The following PDZD4 variants were observed in gnomAD, a reference collection of about 807,000 sequenced individuals.
The protein encoded by PDZD4 is PDZ domain-containing protein 4.
In PDZD4, 9 loss-of-function variants were observed where a neutral mutation model predicts 38.5. The ratio of observed to expected loss-of-function variants is 0.23; its 90% CI spans 0.14 to 0.41. The LOEUF is 0.41. Ranked by LOEUF, PDZD4 falls within the 10% of genes least tolerant of loss-of-function variation. PDZD4 has a pLI of 1.00. For missense variants in PDZD4, 612 were observed against 722.0 expected, an observed-to-expected ratio of 0.85 and a Z score of 1.75; for synonymous variants, 349 against 315.7, an observed-to-expected ratio of 1.11 and a Z score of -1.12.
chrX:153,812,884 G>A (rs1239029530), intron 1 of PDZD4, among the ~76,000 whole-genome samples: 3 of 106,004 alleles, frequency 2.8e-5, no homozygotes, highest in African/African-American at 7.0e-5. Context: ...CCCAACCCTC[G>A]GATTGCCTAC....
rs932248250 is a variant in PDZD4 at position 153,818,604 on chromosome X, C to T, written c.61-10009G>A. ...GGTTGGGGAGAGAGACTAGAAAGTC[C>T]CGGGAGGGAAGCCGAGGAGCTGCTC... On this transcript the variant is annotated intron_variant, in intron 1 of 7. Transcript: ENST00000393758. Among the ~76,000 whole-genome samples, 137 of 109,557 alleles carry T rather than the reference C, an allele frequency of 1.3e-3. 1 individual carries two copies. The highest frequency in any genetic ancestry group is 1.3e-3 in the Non-Finnish European group (68 of 52,445).
intron 1 of PDZD4, among the ~76,000 whole-genome samples, chrX:153,819,490 C>A (rs1296470895): frequency 8.9e-6 from 1 of 112,330 alleles, no homozygotes; most frequent in Non-Finnish European, 1.9e-5. Flanking sequence ...CTTCCAGGGG[C>A]CCCCGTGGCT....
chrX:153,811,179 C>T (rs980894450), intron 1 of PDZD4, among the ~76,000 whole-genome samples: 5 of 109,911 alleles, frequency 4.5e-5, no homozygotes, highest in African/African-American at 1.7e-4. Context: ...CTCTGTCATC[C>T]AGGCTGAAGT....
chrX:153,803,602 C>T lies in PDZD4; in HGVS notation c.2079G>A (p.Arg693=), dbSNP rs367833672. Residue 693 remains arginine, a synonymous_variant, in exon 8 of 8, where the codon CGG becomes CGA. Coordinates refer to ENST00000393758, the MANE Select transcript of PDZD4 (RefSeq NM_001303512.2). ...CGCGCCGCTTCCGCTGCTCACGGGC[C>T]CGGATCAGGTGCTGCTTCCGCTCCT... ...SKEERKQHLI[R]AREQRKRREF... 1 of 1,209,168 alleles carries T rather than the reference C, an allele frequency of 8.3e-7. No homozygotes were observed. The highest frequency in any genetic ancestry group is 1.1e-6 in the Non-Finnish European group (1 of 895,361).
chrX:153,802,958 GCTC>G lies in PDZD4; in HGVS notation c.*392_*394del, dbSNP rs1386774980. On this transcript the variant is annotated 3_prime_UTR_variant, in exon 8 of 8. Transcript: ENST00000393758. The stretch of plus-strand genomic sequence containing the variant: ...GCAGCGAAGCCGGACACTCTCTTGT[GCTC>G]CTTTCAGCTCAGCTTCCCTGTCTGC... The G allele has an allele frequency of 6.5e-5, 9 of 138,099 alleles. No homozygotes were observed. Among genetic ancestry groups the G allele is most frequent in the South Asian group, 3.3e-4 (1 of 3,015 alleles). The allele number at this position is 138,099 out of a possible 1,213,427, so 11.4% of individuals were successfully genotyped here.
chrX:153,829,106 C>T, intron 1 of PDZD4, among the ~76,000 whole-genome samples: 1 of 111,547 alleles, frequency 9.0e-6, no homozygotes, highest in East Asian at 2.9e-4. Flanking sequence ...CCGCCCTGCC[C>T]CTCGGCTCCC....
Position 153,805,647 on chromosome X carries a change from G to A in PDZD4, c.568-41C>T, listed in dbSNP as rs782166390. The stretch of plus-strand genomic sequence containing the variant: ...TACAATCAACAAGCATGCTAGGGCT[G>A]GCCCTGGGGCGGACCCTGGGCGGGT... On this transcript the variant is annotated intron_variant, in intron 5 of 7. Coordinates refer to ENST00000393758, the MANE Select transcript of PDZD4 (RefSeq NM_001303512.2). The A allele has an allele frequency of 3.6e-6, 4 of 1,114,432 alleles. No individual in the cohort carries two copies. The South Asian group carries it at 7.3e-5, about 20-fold the overall frequency. The allele number at this position is 1,114,432 out of a possible 1,213,427, so 91.8% of individuals were successfully genotyped here. A position where few individuals can be genotyped will look rare whatever the true frequency, so the allele number is the denominator to read the frequency against.
At chrX:153,819,582 G>C (rs994809170) in intron 1 of PDZD4, among the ~76,000 whole-genome samples, 2 of 112,177 alleles carry the variant, frequency 1.8e-5, no homozygotes, top group African/African-American at 6.5e-5. Context: ...GGGAAGGACA[G>C]AGACAGGAAG....
At position 153,803,348 on chromosome X, in the gene PDZD4, G is replaced by A; in HGVS notation, c.*5C>T. ...GGGCCTGGGCCGTGTACCCGCCCGG[G>A]CAGCTCACACGGTGGTGACTGAGAG... On this transcript the variant is annotated 3_prime_UTR_variant, in exon 8 of 8. Coordinates refer to ENST00000393758, the MANE Select transcript of PDZD4 (RefSeq NM_001303512.2). 3.5e-6 allele frequency: 4 copies of A among 1,131,159 alleles called. No homozygotes were observed. The highest frequency in any genetic ancestry group is 4.6e-6 in the Non-Finnish European group (4 of 861,099). 93.2% of individuals were successfully genotyped at this position (1,131,159 alleles called of 1,213,427 possible). A position where few individuals can be genotyped will look rare whatever the true frequency, so the allele number is the denominator to read the frequency against.
rs1217670501 is a variant in PDZD4, at chrX:153,822,627, C to T, written c.60+7612G>A. Among the ~76,000 whole-genome samples the T allele has an allele frequency of 1.2e-4, 9 of 74,432 alleles. No homozygotes were observed. In the East Asian group the frequency reaches 3.7e-3, roughly 31 times the overall value. The allele number at this position is 74,432 out of a possible 115,157, so 64.6% of individuals were successfully genotyped here. ...CCCTGTCCATCTGTTTTTTCTTTCT[C>T]TCTCTCTCTCTCTCTCCCTCCCTCC... On this transcript the variant is annotated intron_variant, in intron 1 of 7. Transcript: ENST00000393758.
intron 1 of PDZD4, among the ~76,000 whole-genome samples, chrX:153,811,142 GTT>G (rs372435931): frequency 1.0e-5 from 1 of 98,124 alleles, no homozygotes; most frequent in African/African-American, 3.7e-5. Context: ...CCCAGCTGTT[GTT>G]TTTTTTTTTT....
intron 1 of PDZD4, among the ~76,000 whole-genome samples, chrX:153,828,973 G>A (rs1557083060): frequency 8.9e-6 from 1 of 111,977 alleles, no homozygotes; most frequent in Non-Finnish European, 1.9e-5. Flanking sequence ...TGGCAGCCGG[G>A]AACTGAGAGG....
chrX:153,825,308 G>A (rs1233812046), intron 1 of PDZD4, among the ~76,000 whole-genome samples: 3 of 112,282 alleles, frequency 2.7e-5, no homozygotes, highest in African/African-American at 6.5e-5. Flanking sequence ...CATCTCCGGC[G>A]TGCTCGGATG....
intron 1 of PDZD4, among the ~76,000 whole-genome samples, chrX:153,821,873 A>G (rs2064427371): frequency 9.0e-6 from 1 of 111,393 alleles, no homozygotes; most frequent in South Asian, 3.7e-4. Context: ...GGCCTCTCAG[A>G]CACCTCCATA....
chrX:153,825,582 T>C (rs2064472631), intron 1 of PDZD4, among the ~76,000 whole-genome samples: 2 of 112,045 alleles, frequency 1.8e-5, no homozygotes, highest in African/African-American at 6.5e-5. Flanking sequence ...AGGACATGAT[T>C]GGAATATAGG....
At chrX:153,827,183 C>G (rs919595153) in intron 1 of PDZD4, among the ~76,000 whole-genome samples, 16 of 112,320 alleles carry the variant, frequency 1.4e-4, no homozygotes, top group Non-Finnish European at 3.8e-5. Context: ...AGGTGCTCAT[C>G]ATTTAGCTAA....
rs1248184009 is a variant in PDZD4, at chrX:153,803,931, C to T, written c.1750G>A (p.Gly584Ser). The T allele has an allele frequency of 1.7e-6, 2 of 1,170,932 alleles. No individual in the cohort carries two copies. The highest frequency in any genetic ancestry group is 2.3e-6 in the Non-Finnish European group (2 of 876,828). The change falls in exon 8 of 8, where the codon GGC becomes AGC. Residue 584 changes from glycine (G) to serine (S), a missense_variant. Coordinates refer to ENST00000393758, the MANE Select transcript of PDZD4 (RefSeq NM_001303512.2). The part of the protein sequence containing the change: ...SRRHRGQGQE[G>S]EHYHSCVQLA... ...TGCACGCAGCTGTGGTAGTGCTCGC[C>T]CTCCTGGCCCTGGCCGCGGTGGCGC...
chrX:153,821,823 T>C (rs542746931), intron 1 of PDZD4, among the ~76,000 whole-genome samples: 1 of 111,754 alleles, frequency 8.9e-6, no homozygotes, highest in South Asian at 3.7e-4. Context: ...TGCTGAAGTC[T>C]CATCAATCCA....
intron 1 of PDZD4, among the ~76,000 whole-genome samples, chrX:153,813,659 G>A (rs901541626): frequency 8.9e-6 from 1 of 112,227 alleles, no homozygotes; most frequent in African/African-American, 3.2e-5. Context: ...GCTTCAATCT[G>A]CTTTTAATAC....
Sources: gnomAD v4.1 joint callset for allele counts (sites outside exome capture counted in the v4.1 genomes callset) on GRCh38, gnomAD v4.1.1 for gene constraint, MANE v1.5 for transcripts, NCBI Gene and HGNC (gene_info 2026-07-23, HGNC 2026-07-21) for gene names.